TOM1L2: variants seen among roughly 807,000 people sequenced by gnomAD.
TOM1L2 encodes TOM1-like protein 2.
A neutral mutation model predicts 67.9 loss-of-function variants in TOM1L2; 31 were observed. The ratio of observed to expected loss-of-function variants is 0.46; its 90% CI spans 0.34 to 0.62. TOM1L2 has a LOEUF of 0.62. TOM1L2 is among the 20% of genes least tolerant of loss of function. TOM1L2 has a pLI of 0.01. For missense variants in TOM1L2, 606 were observed against 663.5 expected, an observed-to-expected ratio of 0.91 and a Z score of 0.95; for synonymous variants, 256 against 254.0, an observed-to-expected ratio of 1.01 and a Z score of -0.07.
chr17:17,895,418 T>A (rs570404931), intron 3 of TOM1L2, among the ~76,000 whole-genome samples: 4 of 152,160 alleles, frequency 2.6e-5, no homozygotes, highest in African/African-American at 9.7e-5. Flanking sequence ...GGACAAAACA[T>A]AGCCGTAAAG....
In TOM1L2 at chr17:17,893,844, A is replaced by C. The variant is rs747601347; in HGVS notation, c.217-34T>G. 2.5e-6 allele frequency: 4 copies of C among 1,604,466 alleles called. No individual in the cohort carries two copies. In the African/African-American group the frequency reaches 5.3e-5, roughly 21 times the overall value. ...GGGAGGGAAGGAAAAGGGTCACCCC[A>C]GTGGGAGCTGGAGAAGACACTGGGA... On this transcript the variant is annotated intron_variant, in intron 3 of 14. Coordinates refer to ENST00000379504, the MANE Select transcript of TOM1L2 (RefSeq NM_001082968.2).
At chr17:17,952,394 T>A (rs990465050) in intron 1 of TOM1L2, among the ~76,000 whole-genome samples, 4 of 134,860 alleles carry the variant, frequency 3.0e-5, no homozygotes, top group Admixed American at 7.3e-5. Context: ...TTTTTTTTTT[T>A]TTTTTTTTTT....
intron 1 of TOM1L2, among the ~76,000 whole-genome samples, chr17:17,955,778 G>A (rs2041412387): frequency 6.6e-6 from 1 of 152,198 alleles, no homozygotes; most frequent in Non-Finnish European, 1.5e-5. Flanking sequence ...AGTTCTTAAA[G>A]GCGGCGTGTC....
intron 12 of TOM1L2, among the ~76,000 whole-genome samples, chr17:17,853,092 C>G (rs1217671608): frequency 1.3e-5 from 2 of 152,166 alleles, no homozygotes; most frequent in Non-Finnish European, 2.9e-5. Flanking sequence ...GCTGGCAGGC[C>G]TTCTGCCTTG....
At chr17:17,971,977 C>T (rs1248826123) in intron 1 of TOM1L2, among the ~76,000 whole-genome samples, 1 of 151,680 alleles carries the variant, frequency 6.6e-6, no homozygotes, top group Non-Finnish European at 1.5e-5. Flanking sequence ...CACCGGCGCC[C>T]GGCGAACGCC....
At chr17:17,971,912 C>T (rs1306009015) in intron 1 of TOM1L2, among the ~76,000 whole-genome samples, 1 of 152,146 alleles carries the variant, frequency 6.6e-6, no homozygotes, top group Non-Finnish European at 1.5e-5. Flanking sequence ...GATGCCCTGC[C>T]TGCCCGTGGG....
At chr17:17,925,594 C>A (rs1177127076) in intron 1 of TOM1L2, among the ~76,000 whole-genome samples, 1 of 151,058 alleles carries the variant, frequency 6.6e-6, no homozygotes, top group Non-Finnish European at 1.5e-5. Context: ...CTAATCCCAG[C>A]ACTTTGCCAC....
intron 12 of TOM1L2, among the ~76,000 whole-genome samples, chr17:17,853,558 C>T (rs79743842): frequency 0.01 from 1,529 of 152,336 alleles, 11 homozygotes; most frequent in Middle Eastern, 0.017. Context: ...TCAAAAATAA[C>T]TTCCCAAAAG....
rs760507746 is a variant in TOM1L2 at position 17,882,710 on chromosome 17, C to G, written c.655G>C (p.Glu219Gln). The change falls in exon 6 of 15, where the codon GAA becomes CAA. Residue 219 changes from glutamate (E) to glutamine (Q), a missense_variant. By Grantham distance (29) the Glu-to-Gln change is conservative. Coordinates refer to ENST00000379504, the MANE Select transcript of TOM1L2 (RefSeq NM_001082968.2). ...SVTGPITANS[E>Q]QIARLRSELD... is the part of the protein sequence containing the mutation. ...GCCCCGAAGTATGCAAGTACCTGTTCTGAATTGGCTGTGATGGGGCCAGTC... is the reference window on the plus strand; with the variant it reads ...GCCCCGAAGTATGCAAGTACCTGTTGTGAATTGGCTGTGATGGGGCCAGTC... 6.2e-7 allele frequency: 1 copy of G among 1,614,142 alleles called. No individual in the cohort carries two copies. The highest frequency in any genetic ancestry group is 1.1e-5 in the South Asian group (1 of 91,078).
chr17:17,847,292 C>A lies in TOM1L2; in HGVS notation c.*343G>T. ...CAGGGCGGGGCCGGGCGTGCTCTTT[C>A]TCCATGGGCGGGTGGAGGAAAGACA... On this transcript the variant is annotated 3_prime_UTR_variant, in exon 15 of 15. Transcript: ENST00000379504. The A allele has an allele frequency of 3.2e-6, 1 of 315,438 alleles. No individual in the cohort carries two copies. Among genetic ancestry groups the A allele is most frequent in the Non-Finnish European group, 5.9e-6 (1 of 168,794 alleles). 19.5% of individuals were successfully genotyped at this position (315,438 alleles called of 1,614,324 possible). A position where few individuals can be genotyped will look rare whatever the true frequency, so the allele number is the denominator to read the frequency against.
intron 12 of TOM1L2, among the ~76,000 whole-genome samples, chr17:17,854,021 G>A (rs1281594397): frequency 1.3e-5 from 2 of 152,208 alleles, no homozygotes; most frequent in Non-Finnish European, 2.9e-5. Context: ...CAATATAGAA[G>A]CCACTTGGCC....
chr17:17,877,276 C>A (rs2037472380), intron 7 of TOM1L2, among the ~76,000 whole-genome samples: 1 of 152,250 alleles, frequency 6.6e-6, no homozygotes, highest in African/African-American at 2.4e-5. Flanking sequence ...CCAATTATCT[C>A]TCTTCCTATT....
intron 1 of TOM1L2, among the ~76,000 whole-genome samples, chr17:17,955,075 A>G (rs1032262625): frequency 6.6e-6 from 1 of 152,216 alleles, no homozygotes; most frequent in Non-Finnish European, 1.5e-5. Flanking sequence ...GTGCCATCAC[A>G]AGTGACATTT....
chr17:17,855,733 G>A (rs1034168080), intron 12 of TOM1L2, among the ~76,000 whole-genome samples: 2 of 152,176 alleles, frequency 1.3e-5, no homozygotes, highest in African/African-American at 4.8e-5. Context: ...AGTTTTCAAT[G>A]TAACAAGAAC....
chr17:17,940,100 T>C (rs1051235148), intron 1 of TOM1L2, among the ~76,000 whole-genome samples: 5 of 144,110 alleles, frequency 3.5e-5, no homozygotes, highest in Non-Finnish European at 7.4e-5. Context: ...GGCTGAAGCA[T>C]GAGAATCACT....
intron 14 of TOM1L2, 111 bp downstream of exon 14, chr17:17,848,712 G>C: frequency 8.2e-7 from 1 of 1,225,752 alleles, no homozygotes; most frequent in Non-Finnish European, 1.2e-6. Flanking sequence ...TCAGGGCCTG[G>C]CACCAGTAGG....
At chr17:17,906,977 C>T (rs2039127951) in intron 2 of TOM1L2, among the ~76,000 whole-genome samples, 1 of 152,248 alleles carries the variant, frequency 6.6e-6, no homozygotes, top group African/African-American at 2.4e-5. Context: ...GCAACGTGTT[C>T]TAAGTCCACT....
intron 1 of TOM1L2, among the ~76,000 whole-genome samples, chr17:17,919,886 C>G (rs1391837618): frequency 6.6e-6 from 1 of 152,200 alleles, no homozygotes; most frequent in Admixed American, 6.5e-5. Context: ...AAGGTTCTCT[C>G]TCTCTAATAG....
chr17:17,882,919 C>T, intron 5 of TOM1L2, 56 bp from the exon 6 acceptor site: 1 of 1,598,060 alleles, frequency 6.3e-7, no homozygotes, highest in Non-Finnish European at 8.5e-7. Flanking sequence ...ATAGCTGGAC[C>T]TGGTACCTAC....
Sources: allele counts gnomAD v4.1 joint callset (sites outside exome capture counted in the v4.1 genomes callset), GRCh38; gene constraint gnomAD v4.1.1; transcripts MANE v1.5; gene names NCBI Gene and HGNC (gene_info 2026-07-23, HGNC 2026-07-21).